PTCHD4: variants seen among roughly 807,000 people sequenced by gnomAD.
The protein encoded by PTCHD4 is patched domain-containing protein 4.
Under a neutral mutation model 58.1 loss-of-function variants are expected in PTCHD4, and 33 were observed. The ratio of observed to expected loss-of-function variants is 0.57; its 90% CI spans 0.43 to 0.76. The LOEUF (loss-of-function observed/expected upper bound fraction) is 0.76, where lower values mean the gene tolerates loss of function less well. Among genes scored for constraint, PTCHD4 ranks in the 30% least tolerant of loss-of-function variants. The pLI is 0.00. For synonymous variants in PTCHD4, 478 were observed against 409.6 expected (o/e 1.17, Z -2.02); for missense variants, 1,058 against 1,027.1 (o/e 1.03, Z -0.41).
At chr6:48,101,204 T>C (rs1283309994) in intron 1 of PTCHD4, among the ~76,000 whole-genome samples, 1 of 152,158 alleles carries the variant, frequency 6.6e-6, no homozygotes, top group Non-Finnish European at 1.5e-5. Context: ...AAATATCTAG[T>C]AAAATTTATT....
chr6:48,078,705 A>C (rs1324701458), intron 1 of PTCHD4, among the ~76,000 whole-genome samples: 2 of 151,524 alleles, frequency 1.3e-5, no homozygotes, highest in African/African-American at 4.9e-5. Context: ...CCTTTCTCTC[A>C]GCAGAAACTC....
chr6:48,051,572 G>GT (rs375664783), intron 3 of PTCHD4, among the ~76,000 whole-genome samples: 1 of 151,760 alleles, frequency 6.6e-6, no homozygotes, highest in Non-Finnish European at 1.5e-5. Flanking sequence ...TAACCCTCAT[G>GT]TTTTTTCATC....
At chr6:48,005,482 C>G (rs993240566) in intron 4 of PTCHD4, among the ~76,000 whole-genome samples, 1 of 152,214 alleles carries the variant, frequency 6.6e-6, no homozygotes, top group Non-Finnish European at 1.5e-5. Context: ...TCATCAAAAA[C>G]TGGTTTCAAC....
At chr6:48,088,299 T>C (rs967398547) in intron 1 of PTCHD4, among the ~76,000 whole-genome samples, 3 of 152,196 alleles carry the variant, frequency 2.0e-5, no homozygotes, top group African/African-American at 7.2e-5. Flanking sequence ...TAACATAATT[T>C]AGATGCTCAA....
At chr6:48,066,099 C>CTT (rs1554178100) in intron 3 of PTCHD4, among the ~76,000 whole-genome samples, 29 of 131,246 alleles carry the variant, frequency 2.2e-4, no homozygotes, top group Non-Finnish European at 2.9e-4. Context: ...CTGACATCTA[C>CTT]TTTTTTTTTT....
At chr6:48,108,816 A>G (rs532865784) in intron 1 of PTCHD4, among the ~76,000 whole-genome samples, 2 of 151,994 alleles carry the variant, frequency 1.3e-5, no homozygotes, top group Admixed American at 6.5e-5. Flanking sequence ...TACAGAGAAC[A>G]ACAACAACAG....
chr6:48,000,916 G>A lies in PTCHD4; in HGVS notation c.898+7718C>T, dbSNP rs115251905. ...ATTTCTTTTTAATGCAAAATCCCTCGAAAGAACAATGTGCAAAAATCACAA... is the reference window on the plus strand; with the variant it reads ...ATTTCTTTTTAATGCAAAATCCCTCAAAAGAACAATGTGCAAAAATCACAA... On this transcript the variant is annotated intron_variant, in intron 4 of 4. Transcript: ENST00000339488. Among the ~76,000 whole-genome samples the A allele has an allele frequency of 7.1e-3, 1,075 of 151,946 alleles. 14 individuals are homozygous for A. Among genetic ancestry groups the A allele is most frequent in the African/African-American group, 0.023 (959 of 41,452 alleles).
At chr6:48,071,177 A>G (rs943326670) in intron 1 of PTCHD4, among the ~76,000 whole-genome samples, 3 of 152,138 alleles carry the variant, frequency 2.0e-5, no homozygotes, top group African/African-American at 7.2e-5. Flanking sequence ...CAACAAACAA[A>G]TATGTCAGTG....
At chr6:47,947,407 T>C (rs1022472024) in intron 4 of PTCHD4, among the ~76,000 whole-genome samples, 1 of 152,158 alleles carries the variant, frequency 6.6e-6, no homozygotes, top group Non-Finnish European at 1.5e-5. Context: ...TTTCTTTTAG[T>C]ATCTCACACC....
intron 1 of PTCHD4, among the ~76,000 whole-genome samples, chr6:48,106,452 C>G (rs1373676870): frequency 6.6e-6 from 1 of 152,112 alleles, no homozygotes; most frequent in Non-Finnish European, 1.5e-5. Context: ...AGACGTATCT[C>G]AAAATAATAA....
Position 48,068,875 on chromosome 6 carries a change from G to C in PTCHD4, c.5+78C>G, listed in dbSNP as rs898879303. Among the ~76,000 whole-genome samples, 4 of 151,636 alleles carry C rather than the reference G, an allele frequency of 2.6e-5. No individual in the cohort carries two copies. The highest frequency in any genetic ancestry group is 2.6e-4 in the Admixed American group (4 of 15,256). On this transcript the variant is annotated intron_variant, in intron 2 of 4. Transcript: ENST00000339488. This position sits in a 1 kb window ranked among gnomAD's most constrained non-coding sequence, Gnocchi z 4.2. ...GGCAAATACCGACAGCGCGCGTGGG[G>C]GCGGGCGGCGGGCGCCGCGGGGCCC...
intron 3 of PTCHD4, among the ~76,000 whole-genome samples, chr6:48,042,877 C>T (rs561966303): frequency 1.3e-5 from 2 of 152,012 alleles, no homozygotes; most frequent in Admixed American, 6.6e-5. Flanking sequence ...AGACTGTTAC[C>T]TGACTTCTCC....
At chr6:48,083,475 GAT>G (rs1404478138) in intron 1 of PTCHD4, among the ~76,000 whole-genome samples, 1 of 152,104 alleles carries the variant, frequency 6.6e-6, no homozygotes, top group Non-Finnish European at 1.5e-5. Flanking sequence ...AATGGCCCTA[GAT>G]ATATGTCTAC....
Position 48,068,645 on chromosome 6 carries a change from A to G in PTCHD4, c.6-4T>C. 6.5e-7 allele frequency: 1 copy of G among 1,543,444 alleles called. No homozygotes were observed. Among genetic ancestry groups the G allele is most frequent in the Non-Finnish European group, 8.7e-7 (1 of 1,149,914 alleles). On this transcript the variant is annotated splice_region_variant and splice_polypyrimidine_tract_variant and intron_variant, in intron 2 of 4. Coordinates refer to ENST00000339488, the MANE Select transcript of PTCHD4 (RefSeq NM_001384253.1). This position sits in a 1 kb window ranked among gnomAD's most constrained non-coding sequence, Gnocchi z 4.2. Reference sequence around the variant, plus strand: ...GCTCGCAGGCGCTCCCGGCCGTCTTAAAAAGCACATGTGACATGTGTAAGC... The same window carrying G: ...GCTCGCAGGCGCTCCCGGCCGTCTTGAAAAGCACATGTGACATGTGTAAGC...
At chr6:47,940,968 C>A (rs1319447074) in intron 4 of PTCHD4, among the ~76,000 whole-genome samples, 2 of 152,158 alleles carry the variant, frequency 1.3e-5, no homozygotes, top group Non-Finnish European at 2.9e-5. Flanking sequence ...GACTTCCTGA[C>A]ACAGAGTCTC....
intron 4 of PTCHD4, among the ~76,000 whole-genome samples, chr6:47,929,919 G>C (rs142563942): frequency 6.6e-6 from 1 of 152,328 alleles, no homozygotes; most frequent in East Asian, 1.9e-4. Context: ...GACAGAAGCA[G>C]TGACACCTGC....
At chr6:48,034,437 G>A (rs1269464530) in intron 3 of PTCHD4, among the ~76,000 whole-genome samples, 6 of 151,980 alleles carry the variant, frequency 3.9e-5, no homozygotes, top group Admixed American at 3.9e-4. Context: ...TAGAAGTAGG[G>A]GCTAGATGTA....
chr6:47,966,563 C>T (rs1284337111), intron 4 of PTCHD4, among the ~76,000 whole-genome samples: 1 of 152,126 alleles, frequency 6.6e-6, no homozygotes, highest in Non-Finnish European at 1.5e-5. Context: ...GCATGTGATG[C>T]TGTTTGATAG....
At chr6:47,894,547 G>A (rs536332129) in intron 4 of PTCHD4, among the ~76,000 whole-genome samples, 11 of 152,316 alleles carry the variant, frequency 7.2e-5, no homozygotes, top group Admixed American at 4.6e-4. Flanking sequence ...AACAGTAAAC[G>A]AGATAATCTG....
Sources: allele counts gnomAD v4.1 joint callset (sites outside exome capture counted in the v4.1 genomes callset), GRCh38; gene constraint gnomAD v4.1.1; non-coding constraint Gnocchi (gnomAD v3.1); transcripts MANE v1.5; gene names NCBI Gene and HGNC (gene_info 2026-07-23, HGNC 2026-07-21).